PTPRO: variants seen among roughly 807,000 people sequenced by gnomAD.
PTPRO encodes protein tyrosine phosphatase receptor type O, also known as receptor-type tyrosine-protein phosphatase O.
In PTPRO, 62 loss-of-function variants were observed where a neutral mutation model predicts 145.2. The ratio of observed to expected loss-of-function variants is 0.43; its 90% CI spans 0.35 to 0.53. The LOEUF is 0.53. Ranked by LOEUF, PTPRO falls within the 20% of genes least tolerant of loss-of-function variation. The pLI is 0.01. For synonymous variants in PTPRO, 565 were observed against 514.7 expected, an observed-to-expected ratio of 1.10 and a Z score of -1.32; for missense variants, 1,345 against 1,482.7, an observed-to-expected ratio of 0.91 and a Z score of 1.53.
intron 12 of PTPRO, among the ~76,000 whole-genome samples, chr12:15,527,102 T>C (rs555800991): frequency 2.6e-5 from 4 of 152,250 alleles, no homozygotes; most frequent in African/African-American, 9.6e-5. Flanking sequence ...TTCACTCCCC[T>C]CTACCCAACA....
At position 15,580,831 on chromosome 12, in the gene PTPRO, G is replaced by T. The variant is rs778843261; in HGVS notation, c.3132G>T (p.Arg1044Ser). ...VMLTQCNEKR[R>S]VKCDHYWPFT... ...TCACTCAGTGTAATGAGAAAAGGAG[G>T]GTACGTACTTACTGAAACTGCTCCC... The change falls in exon 22 of 27, where the codon AGG becomes AGT. Residue 1044 changes from arginine (R) to serine (S), a missense_variant and splice_region_variant. Transcript: ENST00000281171. The T allele has an allele frequency of 6.2e-7, 1 of 1,613,750 alleles. No homozygotes were observed.
At chr12:15,562,600 G>A (rs1943801608) in intron 17 of PTPRO, among the ~76,000 whole-genome samples, 1 of 152,156 alleles carries the variant, frequency 6.6e-6, no homozygotes, top group African/African-American at 2.4e-5. Flanking sequence ...AGCAGAATCA[G>A]TGTGGAGCAC....
chr12:15,471,970 C>T (rs12423241), intron 1 of PTPRO, among the ~76,000 whole-genome samples: 35,075 of 152,052 alleles, frequency 0.23, 4,489 homozygotes, highest in Admixed American at 0.32. Context: ...GAAAAGGTAC[C>T]CTGGTAGCTG....
chr12:15,587,042 T>C lies in PTPRO; in HGVS notation c.3401T>C (p.Ile1134Thr). The C allele has an allele frequency of 1.2e-6, 2 of 1,614,054 alleles. No homozygotes were observed. Among genetic ancestry groups the C allele is most frequent in the Non-Finnish European group, 1.7e-6 (2 of 1,179,974 alleles). ...ACCAAGAGCAAAGGTCCCATGATCA[T>C]TCACTGCAGGTAACCTCATCAACTG... is the stretch of plus-strand genomic sequence containing the variant. ...QATKSKGPMI[I>T]HCSAGVGRTG... is the part of the protein sequence containing the mutation. The change falls in exon 24 of 27, where the codon ATT becomes ACT. Residue 1134 changes from isoleucine to threonine, a missense_variant. Physicochemically the swap from Ile to Thr is moderately conservative, Grantham distance 89. This residue lies in a region of PTPRO where 208 missense variants were observed against 242.8 expected (regional missense o/e 0.86). Coordinates refer to ENST00000281171, the MANE Select transcript of PTPRO (RefSeq NM_030667.3).
chr12:15,558,133 T>C (rs1174870455), intron 16 of PTPRO, among the ~76,000 whole-genome samples: 1 of 151,928 alleles, frequency 6.6e-6, no homozygotes, highest in Non-Finnish European at 1.5e-5. Flanking sequence ...GAGGTCTCAC[T>C]ATATTGCCCA....
At chr12:15,572,909 G>A (rs553846563) in intron 19 of PTPRO, among the ~76,000 whole-genome samples, 5 of 152,240 alleles carry the variant, frequency 3.3e-5, no homozygotes, top group South Asian at 2.1e-4. Flanking sequence ...GAAGAGGGAC[G>A]AGGCGTTAAA....
chr12:15,326,131 T>A (rs1453129558), intron 1 of PTPRO, among the ~76,000 whole-genome samples: 2 of 152,098 alleles, frequency 1.3e-5, no homozygotes, highest in Non-Finnish European at 2.9e-5. Flanking sequence ...CGCAACCCCA[T>A]ACACACACAC....
chr12:15,497,503 C>T, intron 3 of PTPRO, 100 bp downstream of exon 3: 1 of 1,283,740 alleles, frequency 7.8e-7, no homozygotes, highest in Non-Finnish European at 1.1e-6. Flanking sequence ...TTTTATAATT[C>T]ACTATTTGAC....
intron 1 of PTPRO, among the ~76,000 whole-genome samples, chr12:15,382,475 T>C (rs1313865044): frequency 2.0e-5 from 3 of 152,196 alleles, no homozygotes; most frequent in Non-Finnish European, 4.4e-5. Context: ...GGGAAGAATT[T>C]CAAAGCACAG....
At chr12:15,395,570 T>C (rs191303471) in intron 1 of PTPRO, among the ~76,000 whole-genome samples, 2 of 152,160 alleles carry the variant, frequency 1.3e-5, no homozygotes, top group East Asian at 1.9e-4. Context: ...TGGTCTCTTA[T>C]ATTGGCTGTT....
intron 1 of PTPRO, among the ~76,000 whole-genome samples, chr12:15,372,100 T>C (rs1284799336): frequency 6.6e-6 from 1 of 152,246 alleles, no homozygotes. Flanking sequence ...TGCAAAATTC[T>C]TTAAATTGTG....
intron 12 of PTPRO, among the ~76,000 whole-genome samples, chr12:15,545,794 G>A (rs1943272755): frequency 6.6e-6 from 1 of 151,948 alleles, no homozygotes; most frequent in Non-Finnish European, 1.5e-5. Flanking sequence ...AATACTTTGG[G>A]AGGCCAAAGT....
At chr12:15,539,674 A>C (rs1175820366) in intron 12 of PTPRO, among the ~76,000 whole-genome samples, 1 of 138,766 alleles carries the variant, frequency 7.2e-6, no homozygotes, top group Non-Finnish European at 1.5e-5. Flanking sequence ...AGGCAGGAGA[A>C]TTTTTTGAAC....
chr12:15,393,119 C>G (rs960811877), intron 1 of PTPRO, among the ~76,000 whole-genome samples: 1 of 152,138 alleles, frequency 6.6e-6, no homozygotes, highest in African/African-American at 2.4e-5. Context: ...GAGCGAACTC[C>G]CTATTGTTAT....
chr12:15,387,447 T>C (rs1391251450), intron 1 of PTPRO, among the ~76,000 whole-genome samples: 2 of 152,198 alleles, frequency 1.3e-5, no homozygotes, highest in African/African-American at 4.8e-5. Context: ...AAGAACACAA[T>C]GCCATTCCTC....
At position 15,399,922 on chromosome 12, in the gene PTPRO, A is replaced by G. The variant is rs555407503; in HGVS notation, c.75+77121A>G. Among the ~76,000 whole-genome samples, 14 of 150,560 alleles carry G rather than the reference A, an allele frequency of 9.3e-5. No homozygotes were observed. The East Asian group carries it at 2.5e-3, about 27-fold the overall frequency. ...AAAAATTAGACGGGCGTGTTGGCGC[A>G]TACCTGTAATCCCAGTTACTCAGGA... On this transcript the variant is annotated intron_variant, in intron 1 of 26. Transcript: ENST00000281171.
chr12:15,518,175 C>CGTGGAAG (rs1349846521), intron 9 of PTPRO, among the ~76,000 whole-genome samples: 1 of 152,240 alleles, frequency 6.6e-6, no homozygotes, highest in Admixed American at 6.5e-5. Flanking sequence ...CTCAACACCA[C>CGTGGAAG]GTGGAAGCTG....
At chr12:15,513,299 G>T (rs1306245354) in intron 7 of PTPRO, among the ~76,000 whole-genome samples, 1 of 151,342 alleles carries the variant, frequency 6.6e-6, no homozygotes. Context: ...AAGGAAGGAA[G>T]GAAGGGAAAC....
At chr12:15,551,797 T>C (rs1381866492) in intron 15 of PTPRO, 126 bp downstream of exon 15, 1 of 1,000,264 alleles carries the variant, frequency 1.0e-6, no homozygotes, top group Non-Finnish European at 1.5e-6. Flanking sequence ...AGTGTCTGTT[T>C]CTATTGTGTG....
Sources: gnomAD v4.1 joint callset for allele counts (sites outside exome capture counted in the v4.1 genomes callset) on GRCh38, gnomAD v4.1.1 for gene constraint, gnomAD v4.1.1 regional missense constraint, MANE v1.5 for transcripts, NCBI Gene and HGNC (gene_info 2026-07-23, HGNC 2026-07-21) for gene names.